The following ATAD3B variants were observed in gnomAD, a reference collection of about 807,000 sequenced individuals.
ATAD3B encodes the protein ATPase family AAA domain-containing protein 3B.
Under a neutral mutation model 70.2 loss-of-function variants are expected in ATAD3B, and 59 were observed. That is an observed-to-expected ratio of 0.84 (90% CI 0.68 to 1.04). The LOEUF (loss-of-function observed/expected upper bound fraction) is 1.04, where lower values mean the gene tolerates loss of function less well. ATAD3B is among the 50% of genes least tolerant of loss of function. ATAD3B has a pLI of 0.00. For synonymous variants in ATAD3B, 423 were observed against 388.6 expected (o/e 1.09, Z -1.04); for missense variants, 961 against 913.4 (o/e 1.05, Z -0.67).
chr1:1,490,601 G>T lies in ATAD3B; in HGVS notation c.1544G>T (p.Cys515Phe), dbSNP rs989484460. The T allele has an allele frequency of 6.2e-7, 1 of 1,609,560 alleles. No homozygotes were observed. Among genetic ancestry groups the T allele is most frequent in the Non-Finnish European group, 8.5e-7 (1 of 1,178,472 alleles). The change falls in exon 15 of 16, where the codon TGC becomes TTC. Residue 515 changes from cysteine (C) to phenylalanine (F), a missense_variant. Coordinates refer to ENST00000673477, the MANE Select transcript of ATAD3B (RefSeq NM_031921.6). ...GCCCAGTTTGACTACGGGAGGAAGTGCTCGGAGGTCGCTCGGCTGACGGAG... is the reference window on the plus strand; with the variant it reads ...GCCCAGTTTGACTACGGGAGGAAGTTCTCGGAGGTCGCTCGGCTGACGGAG... ...KLAQFDYGRK[C>F]SEVARLTEGM... is the part of the protein sequence containing the mutation.
chr1:1,503,608 G>C, the ATAD3B span: 50 of 1,612,192 alleles, frequency 3.1e-5, no homozygotes, highest in African/African-American at 5.3e-5. Flanking sequence ...CGCCCTGAAT[G>C]TGGCACAGAT....
At chr1:1,491,910 T>A (rs1640559553) in intron 15 of ATAD3B, among the ~76,000 whole-genome samples, 1 of 151,790 alleles carries the variant, frequency 6.6e-6, no homozygotes, top group Non-Finnish European at 1.5e-5. Flanking sequence ...AGGCTGGGTA[T>A]GGTGGTGGCT....
chr1:1,502,708 C>T (rs576133050), downstream of ATAD3B, among the ~76,000 whole-genome samples: 7 of 149,438 alleles, frequency 4.7e-5, no homozygotes, highest in African/African-American at 1.5e-4. Context: ...GACCGGGTTT[C>T]ACCATGTTGC....
At chr1:1,489,566 AAGGG>A (rs1640417962) in intron 13 of ATAD3B, 1 of 1,054,802 alleles carries the variant, frequency 9.5e-7, no homozygotes, top group African/African-American at 1.7e-5. Flanking sequence ...CTGTGCCTGC[AAGGG>A]AGGTGGTCTG....
At position 1,480,183 on chromosome 1, in the gene ATAD3B, ACCCCCAC is replaced by A. The variant is rs1051932714; in HGVS notation, c.445-672_445-666del. On this transcript the variant is annotated intron_variant, in intron 4 of 15. Transcript: ENST00000673477. The stretch of plus-strand genomic sequence containing the variant: ...GGCACGCACCTGCACACGAGGGCAC[ACCCCCAC>A]CCCCCACCCCCACACACCCCCGCAC... 6.2e-5 allele frequency among the ~76,000 whole-genome samples: 6 copies of A among 97,178 alleles called. 1 individual carries two copies. Among genetic ancestry groups the A allele is most frequent in the Non-Finnish European group, 1.0e-4 (5 of 49,548 alleles). The allele number at this position is 97,178 out of a possible 152,430, so 63.8% of individuals were successfully genotyped here. A position where few individuals can be genotyped will look rare whatever the true frequency, so the allele number is the denominator to read the frequency against.
Position 1,489,150 on chromosome 1 carries a change from G to A in ATAD3B, c.1267-54G>A, listed in dbSNP as rs1380086159. ...GAGGCCTGTGGGACTTTCTGCTCTG[G>A]CTGTTTACAAGGCTTTGCTTCTGGT... On this transcript the variant is annotated intron_variant, in intron 12 of 15. Transcript: ENST00000673477. The A allele has an allele frequency of 5.0e-6, 8 of 1,610,776 alleles. 1 individual carries two copies. The highest frequency in any genetic ancestry group is 6.8e-6 in the Non-Finnish European group (8 of 1,177,526).
At chr1:1,494,042 C>G (rs909229092) in intron 15 of ATAD3B, among the ~76,000 whole-genome samples, 15 of 152,140 alleles carry the variant, frequency 9.9e-5, no homozygotes, top group African/African-American at 3.6e-4. Flanking sequence ...TCCAGGTCTT[C>G]TCTTTGACCT....
At position 1,471,906 on chromosome 1, in the gene ATAD3B, A is replaced by C. The variant is rs1639343610; in HGVS notation, c.22A>C (p.Asn8His). 7.9e-7 allele frequency: 1 copy of C among 1,272,118 alleles called. No individual in the cohort carries two copies. Among genetic ancestry groups the C allele is most frequent in the East Asian group, 3.0e-5 (1 of 32,804 alleles). 78.8% of individuals were successfully genotyped at this position (1,272,118 alleles called of 1,614,324 possible). A position where few individuals can be genotyped will look rare whatever the true frequency, so the allele number is the denominator to read the frequency against. The change falls in exon 1 of 16, where the codon AAC becomes CAC. Residue 8 changes from asparagine (N) to histidine (H), a missense_variant. Physicochemically the swap from Asn to His is moderately conservative, Grantham distance 68. Around this residue, in one of 4 missense-constraint regions of ATAD3B, gnomAD observed 187 missense variants for 244.3 expected, o/e 0.77. Transcript: ENST00000673477. Reference protein sequence around the residue: MSWLFGVNKGPKGEGAGP... With the variant: MSWLFGVHKGPKGEGAGP... The stretch of plus-strand genomic sequence containing the variant: ...GAGCATGTCGTGGCTCTTCGGCGTT[A>C]ACAAGGGCCCCAAGGGTGAAGGCGC...
At chr1:1,490,775 T>G (rs371976114) in intron 15 of ATAD3B, 104 bp downstream of exon 15, 2 of 1,505,060 alleles carry the variant, frequency 1.3e-6, no homozygotes, top group East Asian at 2.4e-5. Context: ...TGGGAGCTTC[T>G]GTTGAGGGGT....
Position 1,480,889 on chromosome 1 carries a change from T to G in ATAD3B, c.467T>G (p.Leu156Ter). 2 of 1,593,998 alleles carry G rather than the reference T, an allele frequency of 1.3e-6. No homozygotes were observed. Among genetic ancestry groups the G allele is most frequent in the Non-Finnish European group, 1.7e-6 (2 of 1,171,882 alleles). ...KQQQLLNEEN[L>*]RKQEESVQKQ... Reference sequence around the variant, plus strand: ...CAGCAACTTCTCAATGAGGAGAATTTACGGAAGCAGGAGGAGTCCGTGCAG... The same window carrying G: ...CAGCAACTTCTCAATGAGGAGAATTGACGGAAGCAGGAGGAGTCCGTGCAG... Residue 156 changes from leucine to a stop codon, truncating the protein, a stop_gained, in exon 5 of 16, where the codon TTA becomes TGA. Coordinates refer to ENST00000673477, the MANE Select transcript of ATAD3B (RefSeq NM_031921.6). LOFTEE classifies it high-confidence loss of function.
At chr1:1,483,345 GAA>G in intron 7 of ATAD3B, 1 of 256,874 alleles carries the variant, frequency 3.9e-6, no homozygotes, top group Non-Finnish European at 7.7e-6. Context: ...CGTGCGCCTG[GAA>G]TCCCAGCTGC....
chr1:1,479,424 CCA>C (rs1163985577), intron 4 of ATAD3B, among the ~76,000 whole-genome samples: 1 of 136,940 alleles, frequency 7.3e-6, no homozygotes, highest in Non-Finnish European at 1.6e-5. Context: ...ACACACGGGC[CCA>C]CACACTCCCC....
At chr1:1,486,759 C>T in intron 11 of ATAD3B, 91 bp downstream of exon 11, 3 of 1,481,804 alleles carry the variant, frequency 2.0e-6, no homozygotes, top group East Asian at 2.4e-5. Flanking sequence ...CTTGGGGACC[C>T]TGTCTTTCTG....
Position 1,489,046 on chromosome 1 carries a change from G to T in ATAD3B, c.1267-158G>T, listed in dbSNP as rs1640385897. On this transcript the variant is annotated intron_variant, in intron 12 of 15. Transcript: ENST00000673477. ...CCAAAATGCTGGGTTACATGCTTGAGCCACCGCCCCTGGCCCTGGTCAGGA... is the reference window on the plus strand; with the variant it reads ...CCAAAATGCTGGGTTACATGCTTGATCCACCGCCCCTGGCCCTGGTCAGGA... The T allele has an allele frequency of 2.2e-6, 3 of 1,344,612 alleles. No individual in the cohort carries two copies. In the East Asian group the frequency reaches 7.4e-5, roughly 33 times the overall value. The allele number at this position is 1,344,612 out of a possible 1,614,324, so 83.3% of individuals were successfully genotyped here. A position where few individuals can be genotyped will look rare whatever the true frequency, so the allele number is the denominator to read the frequency against.
chr1:1,482,746 T>A, intron 7 of ATAD3B, 132 bp downstream of exon 7: 1 of 1,444,650 alleles, frequency 6.9e-7, no homozygotes, highest in Admixed American at 1.9e-5. Flanking sequence ...CAAACCCACG[T>A]TGTACCTGCT....
the ATAD3B span, chr1:1,503,809 C>G: frequency 3.2e-6 from 4 of 1,242,878 alleles, no homozygotes; most frequent in South Asian, 5.4e-5. Context: ...CCTCATTTCA[C>G]AGAAGGAAAC....
chr1:1,479,815 C>G (rs1639807380), intron 4 of ATAD3B, among the ~76,000 whole-genome samples: 1 of 141,362 alleles, frequency 7.1e-6, no homozygotes, highest in Non-Finnish European at 1.5e-5. Flanking sequence ...TCACACAGCC[C>G]ACACACATAC....
intron 4 of ATAD3B, among the ~76,000 whole-genome samples, chr1:1,479,771 G>A (rs1458205374): frequency 7.2e-6 from 1 of 138,336 alleles, no homozygotes; most frequent in Non-Finnish European, 1.5e-5. Context: ...GCACACATGG[G>A]GGCTTACACA....
chr1:1,493,378 G>T (rs1353885943), intron 15 of ATAD3B, among the ~76,000 whole-genome samples: 2 of 151,892 alleles, frequency 1.3e-5, no homozygotes, highest in South Asian at 2.1e-4. Flanking sequence ...ACTTGTGATC[G>T]CTGGCCTTCT....
Sources: gnomAD v4.1 joint callset for allele counts (sites outside exome capture counted in the v4.1 genomes callset) on GRCh38, gnomAD v4.1.1 for gene constraint, gnomAD v4.1.1 regional missense constraint, MANE v1.5 for transcripts, NCBI Gene and HGNC (gene_info 2026-07-23, HGNC 2026-07-21) for gene names.